FBXW11: variants seen among roughly 807,000 people sequenced by gnomAD.
FBXW11 encodes the protein F-box and WD repeat domain containing 11, also known as F-box/WD repeat-containing protein 11.
Under a neutral mutation model 77.6 loss-of-function variants are expected in FBXW11, and 19 were observed. The ratio of observed to expected loss-of-function variants is 0.24; its 90% confidence interval spans 0.17 to 0.36. The LOEUF is 0.36. Among genes scored for constraint, FBXW11 ranks in the 10% least tolerant of loss-of-function variants. The probability of loss-of-function intolerance (pLI) is 1.00; values close to 1 mark genes in which losing one functional copy is unlikely to be tolerated. For missense variants in FBXW11, 334 were observed against 704.2 expected, an observed-to-expected ratio of 0.47 and a Z score of 5.95; for synonymous variants, 235 against 249.4, an observed-to-expected ratio of 0.94 and a Z score of 0.54.
chr5:171,951,651 TG>T (rs1482908760), intron 2 of FBXW11, among the ~76,000 whole-genome samples: 1 of 152,064 alleles, frequency 6.6e-6, no homozygotes, highest in Non-Finnish European at 1.5e-5. Context: ...CCACCATACC[TG>T]GCTAATTTTT....
chr5:171,865,702 T>G (rs1313550847), intron 13 of FBXW11, among the ~76,000 whole-genome samples: 1 of 152,224 alleles, frequency 6.6e-6, no homozygotes, highest in Non-Finnish European at 1.5e-5. Flanking sequence ...ATAACGATCT[T>G]ATATTGTCTT....
At chr5:172,006,149 C>T (rs1430767290) in intron 1 of FBXW11, among the ~76,000 whole-genome samples, 1 of 152,210 alleles carries the variant, frequency 6.6e-6, no homozygotes, top group Admixed American at 6.5e-5. Context: ...GAATGGGGTG[C>T]TAGAGCGAGT....
chr5:171,975,837 A>C (rs1041006799), intron 1 of FBXW11, among the ~76,000 whole-genome samples: 2 of 152,228 alleles, frequency 1.3e-5, no homozygotes, highest in Non-Finnish European at 2.9e-5. Context: ...CATAAAGAAT[A>C]GCATTTCCAA....
At chr5:171,864,788 CA>C (rs1188155938) in intron 13 of FBXW11, among the ~76,000 whole-genome samples, 1 of 151,554 alleles carries the variant, frequency 6.6e-6, no homozygotes, top group East Asian at 1.9e-4. Flanking sequence ...CACACACACA[CA>C]AAAAAACAAT....
intron 2 of FBXW11, 45 bp downstream of exon 2, chr5:171,957,552 T>G (rs768235923): frequency 6.7e-7 from 1 of 1,485,848 alleles, no homozygotes. Flanking sequence ...CAAATGTTCA[T>G]GGCATACGTA....
chr5:171,950,766 C>T (rs1037071222), intron 2 of FBXW11, among the ~76,000 whole-genome samples: 1 of 151,916 alleles, frequency 6.6e-6, no homozygotes. Context: ...GCACACCTGT[C>T]GTCCCACCTA....
rs1045263586 is a variant in FBXW11, at chr5:171,899,957, G to A, written c.580C>T (p.Arg194Cys). 1.2e-5 allele frequency: 20 copies of A among 1,613,538 alleles called. No individual in the cohort carries two copies. Among genetic ancestry groups the A allele is most frequent in the Admixed American group, 8.3e-5 (5 of 59,972 alleles). Residue 194 changes from arginine to cysteine, a missense_variant, in exon 5 of 14, where the codon CGC (arginine) becomes TGC (cysteine). By Grantham distance (180) the Arg-to-Cys change is radical (BLOSUM62 -3). Coordinates refer to ENST00000517395, the MANE Select transcript of FBXW11 (RefSeq NM_001378974.1). ...LWKKLIERMV[R>C]TDPLWKGLSE... ...AGTCCTTTCCATAGGGGATCAGTGCGTACCATTCGTTCAATCAGCTTCTTC... is the reference window on the plus strand; with the variant it reads ...AGTCCTTTCCATAGGGGATCAGTGCATACCATTCGTTCAATCAGCTTCTTC...
intron 1 of FBXW11, among the ~76,000 whole-genome samples, chr5:171,961,914 T>C (rs1241438603): frequency 2.0e-5 from 3 of 152,240 alleles, no homozygotes; most frequent in Admixed American, 1.3e-4. Flanking sequence ...CCCAAAGTGC[T>C]GGCATTAAAG....
At position 171,871,755 on chromosome 5, in the gene FBXW11, G is replaced by A. The variant is rs78385852; in HGVS notation, c.1341-897C>T. Among the ~76,000 whole-genome samples the A allele has an allele frequency of 1.2e-3, 190 of 152,274 alleles. 4 individuals carry two copies. The East Asian group carries it at 0.03, about 24-fold the overall frequency. On this transcript the variant is annotated intron_variant, in intron 10 of 13. Coordinates refer to ENST00000517395, the MANE Select transcript of FBXW11 (RefSeq NM_001378974.1). ...CAGTAATTCCTATGATACATCCAAA[G>A]AATGTATTTTATTACAGCTGCCCTT...
At chr5:171,919,063 G>A (rs902091216) in intron 2 of FBXW11, among the ~76,000 whole-genome samples, 2 of 152,166 alleles carry the variant, frequency 1.3e-5, no homozygotes, top group Admixed American at 6.5e-5. Flanking sequence ...TCCTGACCTC[G>A]CCATGGTAGG....
intron 1 of FBXW11, among the ~76,000 whole-genome samples, chr5:171,988,755 G>T (rs1338666046): frequency 1.3e-5 from 2 of 152,132 alleles, no homozygotes; most frequent in African/African-American, 4.8e-5. Flanking sequence ...TGAGGCAGGA[G>T]AATTGCTTGA....
chr5:171,930,832 G>A (rs1292101256), intron 2 of FBXW11, among the ~76,000 whole-genome samples: 2 of 148,588 alleles, frequency 1.3e-5, no homozygotes, highest in Admixed American at 6.7e-5. Context: ...GATTATGGCA[G>A]ATCTGCAGTA....
chr5:171,900,480 A>C (rs1760041413), intron 4 of FBXW11, among the ~76,000 whole-genome samples: 1 of 152,050 alleles, frequency 6.6e-6, no homozygotes, highest in Admixed American at 6.6e-5. Flanking sequence ...AAGATTTTAC[A>C]CTCCCTTGGC....
Position 171,910,753 on chromosome 5 carries a change from T to C in FBXW11, c.255A>G (p.Pro85=), listed in dbSNP as rs1462846728. 3 of 1,613,454 alleles carry C rather than the reference T, an allele frequency of 1.9e-6. No individual in the cohort carries two copies. The highest frequency in any genetic ancestry group is 1.7e-4 in the Middle Eastern group (1 of 6,052). ...TSSVIVSRKR[P]SEGNYQKEKD... is the part of the protein sequence containing the mutation. ...TTTCTTTTTGATAGTTTCCTTCTGA[T>C]GGCCTCTTTCTGGAGACGATCACAG... The change falls in exon 4 of 14, where the codon CCA becomes CCG. Residue 85 remains proline, a synonymous_variant. Transcript: ENST00000517395.
rs1760351549 is a variant in FBXW11 at position 171,904,592 on chromosome 5, A to G, written c.437-4492T>C. On this transcript the variant is annotated intron_variant, in intron 4 of 13. Coordinates refer to ENST00000517395, the MANE Select transcript of FBXW11 (RefSeq NM_001378974.1). The surrounding 1 kb of genome is among the most constrained non-coding windows in gnomAD (Gnocchi z 4.0). Reference sequence around the variant, plus strand: ...TTTTTGTTGTTGTTGTTGTTTTTGGAAACAGATTCTCACTCTGTCGCCAGT... The same window carrying G: ...TTTTTGTTGTTGTTGTTGTTTTTGGGAACAGATTCTCACTCTGTCGCCAGT... Among the ~76,000 whole-genome samples, 1 of 152,032 alleles carries G rather than the reference A, an allele frequency of 6.6e-6. No individual in the cohort carries two copies. The highest frequency in any genetic ancestry group is 2.4e-5 in the African/African-American group (1 of 41,406).
intron 1 of FBXW11, chr5:171,996,788 T>C (rs1766081538): frequency 2.4e-6 from 2 of 833,496 alleles, no homozygotes; most frequent in South Asian, 1.8e-5. Context: ...TATTTCTCCC[T>C]TTCCCTATTA....
chr5:171,943,446 C>T (rs545443290), intron 2 of FBXW11, among the ~76,000 whole-genome samples: 1 of 152,236 alleles, frequency 6.6e-6, no homozygotes, highest in African/African-American at 2.4e-5. Context: ...CCAAGCACAG[C>T]AGCACAGATC....
chr5:171,881,298 T>A (rs1758485713), intron 7 of FBXW11, among the ~76,000 whole-genome samples: 1 of 152,192 alleles, frequency 6.6e-6, no homozygotes, highest in South Asian at 2.1e-4. Context: ...CTGACCTTAG[T>A]GGGAAAGTTT....
At chr5:171,886,997 T>C (rs839299) in intron 7 of FBXW11, among the ~76,000 whole-genome samples, 131,173 of 152,036 alleles carry the variant, frequency 0.86, 57,832 homozygotes, top group East Asian at 1. Context: ...CCAGCCAGGG[T>C]GACAGAGCGA....
Sources: allele counts gnomAD v4.1 joint callset (sites outside exome capture counted in the v4.1 genomes callset), GRCh38; gene constraint gnomAD v4.1.1; non-coding constraint Gnocchi (gnomAD v3.1); transcripts MANE v1.5; gene names NCBI Gene and HGNC (gene_info 2026-07-23, HGNC 2026-07-21).